The following LRP5 variants were observed in gnomAD, a reference collection of about 807,000 sequenced individuals.
LRP5 encodes LDL receptor related protein 5.
LRP5 carries 62 observed loss-of-function variants against 154.1 expected under a neutral mutation model. That is an observed-to-expected ratio of 0.40 (90% confidence interval 0.33 to 0.50). The LOEUF is 0.50. Among genes scored for constraint, LRP5 ranks in the 20% least tolerant of loss-of-function variants. LRP5 has a pLI of 0.55. For missense variants in LRP5, 1,915 were observed against 2,336.7 expected (o/e 0.82, Z 3.72); for synonymous variants, 966 against 1,011.5 (o/e 0.96, Z 0.85).
intron 7 of LRP5, among the ~76,000 whole-genome samples, chr11:68,395,888 G>A (rs1412726297): frequency 6.6e-6 from 1 of 152,130 alleles, no homozygotes; most frequent in Non-Finnish European, 1.5e-5. Flanking sequence ...TCAGGCTTCT[G>A]CGAGTCATGG....
At chr11:68,436,024 T>C (rs1278599080) in intron 18 of LRP5, among the ~76,000 whole-genome samples, 1 of 152,132 alleles carries the variant, frequency 6.6e-6, no homozygotes, top group African/African-American at 2.4e-5. Context: ...CTGCGCCCAG[T>C]GAGGGTCACA....
the LRP5 span, among the ~76,000 whole-genome samples, chr11:68,303,309 C>G: frequency 6.6e-6 from 1 of 151,920 alleles, no homozygotes; most frequent in Non-Finnish European, 1.5e-5. Flanking sequence ...TATGGACAAG[C>G]CAAGGCCAGG....
At chr11:68,315,015 C>T (rs2098592116) in intron 1 of LRP5, among the ~76,000 whole-genome samples, 1 of 152,206 alleles carries the variant, frequency 6.6e-6, no homozygotes, top group Non-Finnish European at 1.5e-5. Context: ...AGAACTCACA[C>T]ACACGGGTGG....
chr11:68,322,952 A>G (rs1342692877), intron 1 of LRP5, among the ~76,000 whole-genome samples: 2 of 152,248 alleles, frequency 1.3e-5, no homozygotes, highest in African/African-American at 4.8e-5. Flanking sequence ...CCTAGGGCCC[A>G]GACTCCGTGA....
chr11:68,377,210 G>A (rs1012951342), intron 5 of LRP5, among the ~76,000 whole-genome samples: 9 of 152,146 alleles, frequency 5.9e-5, no homozygotes, highest in African/African-American at 1.4e-4. Flanking sequence ...GGCTGGCACC[G>A]AGGGATGGGA....
intron 13 of LRP5, among the ~76,000 whole-genome samples, chr11:68,421,686 C>CTCTGTGTG (rs1554973693): frequency 7.5e-6 from 1 of 133,406 alleles, no homozygotes; most frequent in East Asian, 2.3e-4. Context: ...CCCAGCAAGG[C>CTCTGTGTG]TGTGTGTGTG....
Position 68,338,120 on chromosome 11 carries a change from T to C in LRP5, c.92-9727T>C, listed in dbSNP as rs117832371. ...TTCTGTTTCTCTGTCTCTTCCATCA[T>C]GCTGGCACTGGACGCAGGATCATTC... On this transcript the variant is annotated intron_variant, in intron 1 of 22. Coordinates refer to ENST00000294304, the MANE Select transcript of LRP5 (RefSeq NM_002335.4). 1.8e-3 allele frequency among the ~76,000 whole-genome samples: 270 copies of C among 152,354 alleles called. 6 individuals are homozygous for C. The East Asian group carries it at 0.048, about 27-fold the overall frequency.
chr11:68,424,128 A>G lies in LRP5; in HGVS notation c.3236+431A>G, dbSNP rs552704584. On this transcript the variant is annotated intron_variant, in intron 14 of 22. Transcript: ENST00000294304. ...GTCGTCAGAGCTTCTGGTTGGTGGG[A>G]AGGCACCCAGGACCTTGAGGTCTCC... Among the ~76,000 whole-genome samples the G allele has an allele frequency of 2.2e-4, 33 of 152,266 alleles. No homozygotes were observed. The South Asian group carries it at 6.4e-3, about 30-fold the overall frequency.
chr11:68,312,792 G>A lies in LRP5; in HGVS notation c.78G>A (p.Pro26=). Residue 26 remains proline (P), a synonymous_variant, in exon 1 of 23, where the codon CCG becomes CCA. Coordinates refer to ENST00000294304, the MANE Select transcript of LRP5 (RefSeq NM_002335.4). ...TGCTGCTGGCGCTGTGCGGCTGCCC[G>A]GCCCCCGCCGCGGGTAGGTGGGCGC... The part of the protein sequence containing the change: ...LLLLLALCGC[P]APAAASPLLL... The A allele has an allele frequency of 1.9e-6, 2 of 1,077,450 alleles. No homozygotes were observed. The highest frequency in any genetic ancestry group is 1.7e-5 in the African/African-American group (1 of 58,196). The allele number at this position is 1,077,450 out of a possible 1,614,324, so 66.7% of individuals were successfully genotyped here.
Position 68,367,756 on chromosome 11 carries a change from G to A in LRP5, c.1015+2054G>A, listed in dbSNP as rs568360211. Among the ~76,000 whole-genome samples the A allele has an allele frequency of 8.5e-5, 13 of 152,216 alleles. No homozygotes were observed. In the East Asian group the frequency reaches 1.7e-3, roughly 20 times the overall value. On this transcript the variant is annotated intron_variant, in intron 5 of 22. Transcript: ENST00000294304. ...AGGGGAGAGAGAATCACCGGAATAT[G>A]GCAAAGGTGTAAAACAGGCAGCTCG...
intron 2 of LRP5, among the ~76,000 whole-genome samples, chr11:68,356,290 GT>G (rs2098623193): frequency 6.6e-6 from 1 of 151,146 alleles, no homozygotes; most frequent in African/African-American, 2.4e-5. Flanking sequence ...CTACAAGAGT[GT>G]GCCACCATGC....
chr11:68,308,485 A>G (rs2098585344), upstream of LRP5, among the ~76,000 whole-genome samples: 1 of 152,194 alleles, frequency 6.6e-6, no homozygotes, highest in African/African-American at 2.4e-5. Flanking sequence ...TTTGAGGCCT[A>G]AGAAAAGTTT....
chr11:68,387,111 C>CT (rs1383343164), intron 6 of LRP5, among the ~76,000 whole-genome samples: 1 of 148,890 alleles, frequency 6.7e-6, no homozygotes, highest in Non-Finnish European at 1.5e-5. Flanking sequence ...GGCCAGGCCT[C>CT]TTTTTTTCTT....
In LRP5 at chr11:68,351,240, C is replaced by A. The variant is rs539428092; in HGVS notation, c.488+2997C>A. ...GGTGCTGTGCTGGGCAACCACTCATCCCTGGAGCCCCTCGTATGCCCTCGC... is the reference window on the plus strand; with the variant it reads ...GGTGCTGTGCTGGGCAACCACTCATACCTGGAGCCCCTCGTATGCCCTCGC... On this transcript the variant is annotated intron_variant, in intron 2 of 22. Transcript: ENST00000294304. Among the ~76,000 whole-genome samples the A allele has an allele frequency of 2.0e-5, 3 of 152,212 alleles. No homozygotes were observed. In the East Asian group the frequency reaches 5.8e-4, roughly 30 times the overall value.
chr11:68,441,610 G>A (rs1284777740), intron 21 of LRP5, among the ~76,000 whole-genome samples: 1 of 152,158 alleles, frequency 6.6e-6, no homozygotes. Flanking sequence ...GGAGTGCTAG[G>A]AACCCAAGCA....
At chr11:68,369,799 G>T (rs761127711) in intron 5 of LRP5, among the ~76,000 whole-genome samples, 1 of 152,048 alleles carries the variant, frequency 6.6e-6, no homozygotes, top group African/African-American at 2.4e-5. Context: ...CAGTGAAGTC[G>T]CACAGCTGGA....
rs968345272 is a variant in LRP5, at chr11:68,444,529, C to T, written c.4489-1907C>T. Among the ~76,000 whole-genome samples the T allele has an allele frequency of 1.3e-4, 20 of 149,000 alleles. No homozygotes were observed. In the East Asian group the frequency reaches 2.2e-3, roughly 17 times the overall value. ...CGAGACTCAGTCAAAACAACAACAA[C>T]GCAGGAATAGCAGATGAGCCGAGTG... is the stretch of plus-strand genomic sequence containing the variant. On this transcript the variant is annotated intron_variant, in intron 21 of 22. Transcript: ENST00000294304.
intron 5 of LRP5, among the ~76,000 whole-genome samples, chr11:68,385,861 G>C (rs1455383482): frequency 6.6e-6 from 1 of 152,108 alleles, no homozygotes; most frequent in African/African-American, 2.4e-5. Context: ...GGAAGGGTGA[G>C]CCCCTGCAAG....
chr11:68,300,862 A>T, the LRP5 span, among the ~76,000 whole-genome samples: 1 of 149,296 alleles, frequency 6.7e-6, no homozygotes, highest in Non-Finnish European at 1.5e-5. Context: ...TGATATATAC[A>T]TTTATTTTTT....
Sources: gnomAD v4.1 joint callset for allele counts (sites outside exome capture counted in the v4.1 genomes callset) on GRCh38, gnomAD v4.1.1 for gene constraint, MANE v1.5 for transcripts, NCBI Gene and HGNC (gene_info 2026-07-23, HGNC 2026-07-21) for gene names.